ST6GALNAC3: variants seen among roughly 807,000 people sequenced by gnomAD.
ST6GALNAC3 encodes ST6 N-acetylgalactosaminide alpha-2,6-sialyltransferase 3.
A neutral mutation model predicts 32.7 loss-of-function variants in ST6GALNAC3; 25 were observed. The ratio of observed to expected loss-of-function variants is 0.76; its 90% CI spans 0.56 to 1.07. The LOEUF (loss-of-function observed/expected upper bound fraction) is 1.07. Among genes scored for constraint, ST6GALNAC3 ranks in the 50% least tolerant of loss-of-function variants. The probability of loss-of-function intolerance (pLI) is 0.00; values close to 1 mark genes in which losing one functional copy is unlikely to be tolerated. For missense variants in ST6GALNAC3, 355 were observed against 382.4 expected, an observed-to-expected ratio of 0.93 and a Z score of 0.60; for synonymous variants, 129 against 133.1, an observed-to-expected ratio of 0.97 and a Z score of 0.21.
chr1:76,618,721 A>T lies in ST6GALNAC3; in HGVS notation c.624-8731A>T, dbSNP rs567472878. 8.7e-4 allele frequency among the ~76,000 whole-genome samples: 133 copies of T among 152,206 alleles called. 1 individual carries two copies. The highest frequency in any genetic ancestry group is 1.9e-3 in the African/African-American group (79 of 41,542). On this transcript the variant is annotated intron_variant, in intron 3 of 4. Transcript: ENST00000328299. Reference sequence around the variant, plus strand: ...GATCCAGGCTGAAGGAACAACCCCTACCTTGGATGCGTTGTTCTCACGATA... The same window carrying T: ...GATCCAGGCTGAAGGAACAACCCCTTCCTTGGATGCGTTGTTCTCACGATA...
intron 1 of ST6GALNAC3, among the ~76,000 whole-genome samples, chr1:76,165,544 G>C (rs1345766031): frequency 6.6e-6 from 1 of 152,154 alleles, no homozygotes. Flanking sequence ...CCAGTAATGA[G>C]ATTACTAGGT....
intron 1 of ST6GALNAC3, among the ~76,000 whole-genome samples, chr1:76,304,707 T>C (rs1201866296): frequency 2.0e-5 from 3 of 152,040 alleles, no homozygotes; most frequent in Non-Finnish European, 4.4e-5. Context: ...TGTAAGGTCA[T>C]GTAGATTCAC....
At chr1:76,568,987 A>T (rs542561942) in intron 3 of ST6GALNAC3, among the ~76,000 whole-genome samples, 1 of 152,140 alleles carries the variant, frequency 6.6e-6, no homozygotes, top group Non-Finnish European at 1.5e-5. Flanking sequence ...GCTTGTCTGT[A>T]GAAGCATCCC....
At chr1:76,182,307 G>C (rs149733549) in intron 1 of ST6GALNAC3, among the ~76,000 whole-genome samples, 1 of 152,292 alleles carries the variant, frequency 6.6e-6, no homozygotes, top group East Asian at 1.9e-4. Flanking sequence ...TCTTAAGAGA[G>C]ATTTAAGAAG....
chr1:76,580,463 A>G (rs1477764281), intron 3 of ST6GALNAC3, among the ~76,000 whole-genome samples: 1 of 152,150 alleles, frequency 6.6e-6, no homozygotes, highest in Non-Finnish European at 1.5e-5. Context: ...TTATATGTAA[A>G]TTATTGAGAA....
chr1:76,162,714 T>C (rs1298070271), intron 1 of ST6GALNAC3, among the ~76,000 whole-genome samples: 1 of 152,178 alleles, frequency 6.6e-6, no homozygotes, highest in East Asian at 1.9e-4. Context: ...CATAAACAGT[T>C]ACAAGCCTTA....
intron 1 of ST6GALNAC3, among the ~76,000 whole-genome samples, chr1:76,159,541 G>T (rs1445377047): frequency 6.6e-6 from 1 of 152,178 alleles, no homozygotes; most frequent in Non-Finnish European, 1.5e-5. Context: ...CCTGGGGTCA[G>T]CCTGCTTCTG....
chr1:76,281,322 T>A (rs1001176826), intron 1 of ST6GALNAC3, among the ~76,000 whole-genome samples: 1 of 152,258 alleles, frequency 6.6e-6, no homozygotes, highest in Admixed American at 6.5e-5. Flanking sequence ...GAGTTCATTT[T>A]CTGTGTTAAT....
At chr1:76,361,805 C>T (rs1161506426) in intron 2 of ST6GALNAC3, among the ~76,000 whole-genome samples, 1 of 151,760 alleles carries the variant, frequency 6.6e-6, no homozygotes, top group East Asian at 1.9e-4. Flanking sequence ...TTGGTGAAAT[C>T]CCATCTCTAC....
chr1:76,098,989 G>A (rs1468142363), intron 1 of ST6GALNAC3, among the ~76,000 whole-genome samples: 1 of 151,788 alleles, frequency 6.6e-6, no homozygotes, highest in Non-Finnish European at 1.5e-5. Flanking sequence ...CCCCAATATG[G>A]TATCCAATTT....
intron 1 of ST6GALNAC3, among the ~76,000 whole-genome samples, chr1:76,162,094 C>G (rs903995230): frequency 1.3e-5 from 2 of 152,210 alleles, no homozygotes; most frequent in Non-Finnish European, 2.9e-5. Context: ...TGCATCATTG[C>G]CCAAACTTAC....
chr1:76,372,675 A>G (rs1162214429), intron 2 of ST6GALNAC3, among the ~76,000 whole-genome samples: 1 of 152,192 alleles, frequency 6.6e-6, no homozygotes, highest in Non-Finnish European at 1.5e-5. Flanking sequence ...AATTTAAATT[A>G]CCACTGAAGG....
chr1:76,489,669 G>A (rs1392800857), intron 3 of ST6GALNAC3, among the ~76,000 whole-genome samples: 1 of 152,112 alleles, frequency 6.6e-6, no homozygotes, highest in African/African-American at 2.4e-5. Context: ...ACTTCCAAAG[G>A]TGGAGCCCTG....
chr1:76,500,838 G>A (rs984758013), intron 3 of ST6GALNAC3, among the ~76,000 whole-genome samples: 1 of 152,144 alleles, frequency 6.6e-6, no homozygotes, highest in Non-Finnish European at 1.5e-5. Flanking sequence ...GTATATAGAT[G>A]TACACTCAAG....
At chr1:76,296,734 G>A (rs1660427476) in intron 1 of ST6GALNAC3, among the ~76,000 whole-genome samples, 2 of 151,946 alleles carry the variant, frequency 1.3e-5, no homozygotes, top group Admixed American at 6.6e-5. Flanking sequence ...CACAGTTCCA[G>A]CCCTTGTAGA....
intron 3 of ST6GALNAC3, among the ~76,000 whole-genome samples, chr1:76,619,813 C>T (rs1371425533): frequency 6.6e-6 from 1 of 152,022 alleles, no homozygotes; most frequent in African/African-American, 2.4e-5. Context: ...ATTTTTACAC[C>T]TCAGTACAAC....
At chr1:76,612,901 A>C (rs1452217874) in intron 3 of ST6GALNAC3, among the ~76,000 whole-genome samples, 1 of 152,230 alleles carries the variant, frequency 6.6e-6, no homozygotes, top group Non-Finnish European at 1.5e-5. Flanking sequence ...ACATCAAGGA[A>C]AGAACTTTGT....
intron 1 of ST6GALNAC3, among the ~76,000 whole-genome samples, chr1:76,089,298 G>A (rs1020599686): frequency 3.3e-5 from 5 of 152,140 alleles, no homozygotes; most frequent in Admixed American, 2.0e-4. Flanking sequence ...TGATCTGCCC[G>A]CCTTGGCCTC....
chr1:76,387,915 T>C (rs1032905918), intron 2 of ST6GALNAC3, among the ~76,000 whole-genome samples: 6 of 152,106 alleles, frequency 3.9e-5, no homozygotes, highest in African/African-American at 1.4e-4. Context: ...CAAACAAAGC[T>C]GACAAAACAA....
Sources: gnomAD v4.1 joint callset for allele counts (sites outside exome capture counted in the v4.1 genomes callset) on GRCh38, gnomAD v4.1.1 for gene constraint, MANE v1.5 for transcripts, NCBI Gene and HGNC (gene_info 2026-07-23, HGNC 2026-07-21) for gene names.